Variants in RBFOX3 observed in about 807,000 individuals in gnomAD.
The protein encoded by RBFOX3 is RNA binding fox-1 homolog 3.
Under a neutral mutation model 48.7 loss-of-function variants are expected in RBFOX3, and 17 were observed. The ratio of observed to expected loss-of-function variants is 0.35; its 90% CI spans 0.24 to 0.52. The LOEUF is 0.52. Ranked by LOEUF, RBFOX3 falls within the 20% of genes least tolerant of loss-of-function variation. RBFOX3 has a pLI of 0.94. For missense variants in RBFOX3, 382 were observed against 497.5 expected (o/e 0.77, Z 2.21); for synonymous variants, 212 against 209.5 (o/e 1.01, Z -0.10).
chr17:79,636,378 G>A, the RBFOX3 span, among the ~76,000 whole-genome samples: 2 of 152,028 alleles, frequency 1.3e-5, no homozygotes, highest in Non-Finnish European at 2.9e-5. Flanking sequence ...AATAAAGGGG[G>A]CATTAAGAAA....
At chr17:79,662,132 C>CTTTTCTTTTTTT in the RBFOX3 span, among the ~76,000 whole-genome samples, 1 of 96,866 alleles carries the variant, frequency 1.0e-5, no homozygotes, top group East Asian at 3.6e-4. Context: ...CCTGTTTATT[C>CTTTTCTTTTTTT]TTTTTTTTTT....
chr17:79,397,093 C>T (rs2062082973), intron 2 of RBFOX3, among the ~76,000 whole-genome samples: 1 of 152,228 alleles, frequency 6.6e-6, no homozygotes, highest in African/African-American at 2.4e-5. Context: ...TTCACAGCAT[C>T]AGTGTTTCCA....
the RBFOX3 span, among the ~76,000 whole-genome samples, chr17:79,638,652 C>A: frequency 1.3e-5 from 2 of 152,200 alleles, no homozygotes; most frequent in Non-Finnish European, 2.9e-5. Context: ...GTTTGGGTCA[C>A]AGGAGTGGAT....
chr17:79,194,742 C>CTGTGGGTGTGTGTG (rs1555599548), intron 4 of RBFOX3, among the ~76,000 whole-genome samples: 4 of 50,816 alleles, frequency 7.9e-5, no homozygotes, highest in African/African-American at 3.5e-4. Context: ...GAGACACTCC[C>CTGTGGGTGTGTGTG]TGTGTGTGTG....
chr17:79,169,587 G>C (rs1568272152), intron 4 of RBFOX3, among the ~76,000 whole-genome samples: 1 of 152,190 alleles, frequency 6.6e-6, no homozygotes, highest in African/African-American at 2.4e-5. Context: ...TGCAGCCCTC[G>C]AGAAACAGGA....
At chr17:79,129,345 G>C (rs1280516459) in intron 4 of RBFOX3, among the ~76,000 whole-genome samples, 1 of 152,198 alleles carries the variant, frequency 6.6e-6, no homozygotes, top group Non-Finnish European at 1.5e-5. Context: ...TCTGAACCCA[G>C]GCCTGTTTGA....
rs1013412754 is a variant in RBFOX3, at chr17:79,560,642, G to T, written c.-320+50184C>A. ...GCACCAACTCCCCACATCTAAGCCT[G>T]CCAGCCAGTGCTGTCACAGCAACCT... On this transcript the variant is annotated intron_variant, in intron 1 of 14. Transcript: ENST00000693108. 5.9e-5 allele frequency among the ~76,000 whole-genome samples: 9 copies of T among 152,232 alleles called. No individual in the cohort carries two copies. The South Asian group carries it at 1.5e-3, about 25-fold the overall frequency.
chr17:79,097,577 A>G, intron 10 of RBFOX3, 115 bp downstream of exon 10: 2 of 1,245,344 alleles, frequency 1.6e-6, no homozygotes, highest in Non-Finnish European at 2.1e-6. Context: ...CGGCGACGGG[A>G]GGGCGGGGAC....
In RBFOX3 at chr17:79,391,984, A is replaced by G. The variant is rs554945755; in HGVS notation, c.-174-84160T>C. 6.6e-6 allele frequency among the ~76,000 whole-genome samples: 1 copy of G among 152,268 alleles called. No homozygotes were observed. The highest frequency in any genetic ancestry group is 2.1e-4 in the South Asian group (1 of 4,820). On this transcript the variant is annotated intron_variant, in intron 2 of 14. Transcript: ENST00000693108. This position sits in a 1 kb window ranked among gnomAD's most constrained non-coding sequence, Gnocchi z 5.0. ...CCTGGTGGAAGGAAACTTGTATGGC[A>G]ACGCTCCCGCCAGGGCCCCGCGATG...
intron 2 of RBFOX3, among the ~76,000 whole-genome samples, chr17:79,457,250 A>G (rs4503833): frequency 6.6e-6 from 1 of 151,944 alleles, no homozygotes; most frequent in African/African-American, 2.4e-5. Flanking sequence ...GCCTCATGGC[A>G]TGGCCTCGGG....
rs1438261904 is a variant in RBFOX3 at position 79,304,868 on chromosome 17, G to C, written c.-74+2856C>G. On this transcript the variant is annotated intron_variant, in intron 3 of 14. Coordinates refer to ENST00000693108, the MANE Select transcript of RBFOX3 (RefSeq NM_001350451.2). ...GAGCTGGCCGTGACACGGGTGCCGT[G>C]TTCTCGAGGCAGAGTCTTGCTTACA... Among the ~76,000 whole-genome samples the C allele has an allele frequency of 2.0e-5, 3 of 152,200 alleles. 1 individual carries two copies. Among genetic ancestry groups the C allele is most frequent in the Non-Finnish European group, 4.4e-5 (3 of 68,038 alleles).
chr17:79,480,363 A>G lies in RBFOX3; in HGVS notation c.-175+2091T>C, dbSNP rs963708039. On this transcript the variant is annotated intron_variant, in intron 2 of 14. Coordinates refer to ENST00000693108, the MANE Select transcript of RBFOX3 (RefSeq NM_001350451.2). This position sits in a 1 kb window ranked among gnomAD's most constrained non-coding sequence, Gnocchi z 4.8. ...GCAGAGCCAGTGCTCCCAGGGATAG[A>G]GTGCGACAGTGGGCTCGCTCGTCAG... Among the ~76,000 whole-genome samples the G allele has an allele frequency of 1.3e-5, 2 of 152,128 alleles. No individual in the cohort carries two copies. Among genetic ancestry groups the G allele is most frequent in the Non-Finnish European group, 2.9e-5 (2 of 68,008 alleles).
chr17:79,642,950 A>T, the RBFOX3 span, among the ~76,000 whole-genome samples: 9 of 152,200 alleles, frequency 5.9e-5, no homozygotes, highest in Admixed American at 2.0e-4. Flanking sequence ...ACAAAAAATT[A>T]AATTAGCCTG....
intron 2 of RBFOX3, among the ~76,000 whole-genome samples, chr17:79,444,112 C>G (rs1385262185): frequency 1.3e-5 from 2 of 152,078 alleles, no homozygotes; most frequent in African/African-American, 4.8e-5. Flanking sequence ...ATTAGGGGGA[C>G]AGAATGTGGG....
rs1383991440 is a variant in RBFOX3 at position 79,331,396 on chromosome 17, C to T, written c.-174-23572G>A. Reference sequence around the variant, plus strand: ...ACCAGAGTCAACAAGCCCCTTCCTGCCTCCAAAGCCTCTGGGGGGTGCATC... The same window carrying T: ...ACCAGAGTCAACAAGCCCCTTCCTGTCTCCAAAGCCTCTGGGGGGTGCATC... On this transcript the variant is annotated intron_variant, in intron 2 of 14. Coordinates refer to ENST00000693108, the MANE Select transcript of RBFOX3 (RefSeq NM_001350451.2). Among the ~76,000 whole-genome samples the T allele has an allele frequency of 2.6e-5, 4 of 152,200 alleles. No homozygotes were observed. In the East Asian group the frequency reaches 5.8e-4, roughly 22 times the overall value.
At chr17:79,340,499 G>A (rs566851746) in intron 2 of RBFOX3, among the ~76,000 whole-genome samples, 17 of 152,252 alleles carry the variant, frequency 1.1e-4, no homozygotes, top group African/African-American at 3.6e-4. Flanking sequence ...TAAAGATGGA[G>A]TGTGTTCCCC....
At chr17:79,261,338 C>T (rs2065739775) in intron 3 of RBFOX3, among the ~76,000 whole-genome samples, 1 of 152,224 alleles carries the variant, frequency 6.6e-6, no homozygotes, top group African/African-American at 2.4e-5. Context: ...GGCACGAGCA[C>T]CCCGAAGCCA....
chr17:79,369,363 T>G (rs1222771819), intron 2 of RBFOX3, among the ~76,000 whole-genome samples: 2 of 152,042 alleles, frequency 1.3e-5, no homozygotes, highest in Non-Finnish European at 2.9e-5. Context: ...ACCAGAGGGG[T>G]TGCCCTGGAC....
In RBFOX3 at chr17:79,199,808, T is replaced by C. The variant is rs919968672; in HGVS notation, c.-34+35958A>G. On this transcript the variant is annotated intron_variant, in intron 4 of 14. Coordinates refer to ENST00000693108, the MANE Select transcript of RBFOX3 (RefSeq NM_001350451.2). The surrounding 1 kb of genome is among the most constrained non-coding windows in gnomAD (Gnocchi z 5.1). ...CTGATGCTCCAGTCTGTCAGGAGAG[T>C]GTCTATTCTACAGTACCGCTCTAAA... Among the ~76,000 whole-genome samples, 2 of 151,800 alleles carry C rather than the reference T, an allele frequency of 1.3e-5. No homozygotes were observed. The highest frequency in any genetic ancestry group is 2.9e-5 in the Non-Finnish European group (2 of 67,950).
Sources: allele counts gnomAD v4.1 joint callset (sites outside exome capture counted in the v4.1 genomes callset), GRCh38; gene constraint gnomAD v4.1.1; non-coding constraint Gnocchi (gnomAD v3.1); transcripts MANE v1.5; gene names NCBI Gene and HGNC (gene_info 2026-07-23, HGNC 2026-07-21).